LDLRAD4: variants seen among roughly 807,000 people sequenced by gnomAD.
The protein encoded by LDLRAD4 is low density lipoprotein receptor class A domain containing 4.
LDLRAD4 carries 5 observed loss-of-function variants against 17.0 expected under a neutral mutation model. The observed-to-expected ratio is 0.29, with a 90% CI of 0.15 to 0.62. LDLRAD4 has a LOEUF of 0.62. Among genes scored for constraint, LDLRAD4 ranks in the 20% least tolerant of loss-of-function variants. The pLI, the probability that LDLRAD4 is intolerant of heterozygous loss-of-function variation, is 0.84. For missense variants in LDLRAD4, 340 were observed against 424.7 expected (o/e 0.80, Z 1.75); for synonymous variants, 168 against 171.8 (o/e 0.98, Z 0.17).
At chr18:13,328,052 G>A (rs923572849) in intron 1 of LDLRAD4, among the ~76,000 whole-genome samples, 9 of 152,082 alleles carry the variant, frequency 5.9e-5, no homozygotes, top group African/African-American at 1.4e-4. Flanking sequence ...TCCTCCCTGC[G>A]GGCTAGAAGC....
At chr18:13,649,098 G>T (rs1308571587) in exon 6 of LDLRAD4, 2 of 152,130 alleles carry the variant, frequency 1.3e-5, no homozygotes, top group East Asian at 3.9e-4. Context: ...ATTTTTAAAA[G>T]ATTTATCGTG....
At chr18:13,378,035 GTTTGA>G (rs1188608272) in intron 1 of LDLRAD4, among the ~76,000 whole-genome samples, 3 of 152,226 alleles carry the variant, frequency 2.0e-5, no homozygotes, top group African/African-American at 7.2e-5. Context: ...TTCCCTGTGT[GTTTGA>G]TTTAAGAGGC....
At chr18:13,370,002 C>T (rs567326814) in intron 1 of LDLRAD4, among the ~76,000 whole-genome samples, 1 of 152,226 alleles carries the variant, frequency 6.6e-6, no homozygotes, top group Non-Finnish European at 1.5e-5. Flanking sequence ...CACTAGAATG[C>T]GTCTCCATTA....
intron 3 of LDLRAD4, 142 bp downstream of exon 4, chr18:13,438,526 C>T (rs946734827): frequency 8.5e-6 from 6 of 707,310 alleles, no homozygotes; most frequent in African/African-American, 7.1e-5. Context: ...ATGTTTTCTT[C>T]TTTTAGGATA....
At chr18:13,590,114 CATGTGCGTGG>C (rs1287929002) in intron 3 of LDLRAD4, among the ~76,000 whole-genome samples, 3 of 150,012 alleles carry the variant, frequency 2.0e-5, no homozygotes, top group African/African-American at 7.4e-5. Flanking sequence ...TGTGTGACTG[CATGTGCGTGG>C]GTGTGCATGT....
At chr18:13,503,646 G>C (rs1374770398) in intron 3 of LDLRAD4, among the ~76,000 whole-genome samples, 2 of 152,150 alleles carry the variant, frequency 1.3e-5, no homozygotes, top group Non-Finnish European at 2.9e-5. Context: ...ATGTGCCAGA[G>C]GGGAAGCAGG....
chr18:13,313,285 C>T (rs183430750), intron 1 of LDLRAD4, among the ~76,000 whole-genome samples: 9 of 152,304 alleles, frequency 5.9e-5, no homozygotes, highest in East Asian at 1.9e-4. Context: ...TGGATTAGGA[C>T]GCCAGCCTAG....
At chr18:13,523,188 T>G (rs2093979378) in intron 3 of LDLRAD4, among the ~76,000 whole-genome samples, 1 of 152,180 alleles carries the variant, frequency 6.6e-6, no homozygotes. Context: ...GTCAGATGGG[T>G]ATCCTCACAT....
chr18:13,350,743 C>A (rs2082990311), intron 1 of LDLRAD4, among the ~76,000 whole-genome samples: 1 of 152,088 alleles, frequency 6.6e-6, no homozygotes, highest in Non-Finnish European at 1.5e-5. Flanking sequence ...AGGTTTTCTT[C>A]TAGGGTTTTA....
chr18:13,247,121 G>T (rs1330265124), intron 1 of LDLRAD4, among the ~76,000 whole-genome samples: 2 of 152,142 alleles, frequency 1.3e-5, no homozygotes, highest in Admixed American at 6.5e-5. Flanking sequence ...TGCTTTAGGT[G>T]CCAGGAGGTA....
At chr18:13,525,169 G>C (rs2094010729) in intron 3 of LDLRAD4, among the ~76,000 whole-genome samples, 1 of 152,202 alleles carries the variant, frequency 6.6e-6, no homozygotes, top group African/African-American at 2.4e-5. Context: ...TGGCAGACCT[G>C]TGTGTTGAGC....
intron 3 of LDLRAD4, among the ~76,000 whole-genome samples, chr18:13,493,766 G>A (rs369844198): frequency 9.5e-4 from 144 of 152,192 alleles, no homozygotes; most frequent in Non-Finnish European, 1.6e-3. Context: ...TACTTCATCC[G>A]TGGCTGGGAA....
Position 13,624,107 on chromosome 18 carries a change from A to C in LDLRAD4, c.336+2836A>C, listed in dbSNP as rs556307901. On this transcript the variant is annotated intron_variant, in intron 4 of 5. Coordinates refer to ENST00000359446, the Ensembl canonical transcript of LDLRAD4. Reference sequence around the variant, plus strand: ...ACAGTGCACAGGCAGTCCCGCAACAAAGACTCATCTGAGTGGATGTGAGCG... The same window carrying C: ...ACAGTGCACAGGCAGTCCCGCAACACAGACTCATCTGAGTGGATGTGAGCG... Among the ~76,000 whole-genome samples the C allele has an allele frequency of 8.5e-5, 13 of 152,258 alleles. No individual in the cohort carries two copies. In the East Asian group the frequency reaches 2.5e-3, roughly 29 times the overall value.
rs112771584 is a variant in LDLRAD4 at position 13,415,969 on chromosome 18, G to A, written c.41-22275G>A. 9.2e-3 allele frequency among the ~76,000 whole-genome samples: 1,403 copies of A among 152,342 alleles called. 25 individuals are homozygous for A. Among genetic ancestry groups the A allele is most frequent in the African/African-American group, 0.032 (1,327 of 41,562 alleles). The stretch of plus-strand genomic sequence containing the variant: ...TGCATGGCTCTGTCTTCATCTCTGC[G>A]GTGACTTGCGTCGTAGGAGAGCTTT... On this transcript the variant is annotated intron_variant, in intron 2 of 5. Transcript: ENST00000359446.
At chr18:13,623,641 C>A (rs1173335553) in intron 4 of LDLRAD4, among the ~76,000 whole-genome samples, 1 of 152,256 alleles carries the variant, frequency 6.6e-6, no homozygotes, top group Admixed American at 6.5e-5. Flanking sequence ...ACTTCCCGAT[C>A]TGGTGTATTA....
chr18:13,497,562 C>T (rs1357807384), intron 3 of LDLRAD4, among the ~76,000 whole-genome samples: 2 of 151,580 alleles, frequency 1.3e-5, no homozygotes, highest in African/African-American at 2.4e-5. Flanking sequence ...TTTTAAAAGG[C>T]TGACTACTGT....
At chr18:13,327,250 T>G (rs149797488) in intron 1 of LDLRAD4, among the ~76,000 whole-genome samples, 1 of 152,240 alleles carries the variant, frequency 6.6e-6, no homozygotes, top group African/African-American at 2.4e-5. Flanking sequence ...AAGTATGAAC[T>G]TGTGAATCCT....
chr18:13,429,594 C>A (rs1279240104), intron 2 of LDLRAD4, among the ~76,000 whole-genome samples: 2 of 152,166 alleles, frequency 1.3e-5, no homozygotes, highest in African/African-American at 4.8e-5. Context: ...TTTCAAAATC[C>A]CTGTCTTAAA....
chr18:13,254,121 G>A (rs2043373440), intron 1 of LDLRAD4, among the ~76,000 whole-genome samples: 1 of 152,252 alleles, frequency 6.6e-6, no homozygotes, highest in Admixed American at 6.5e-5. Flanking sequence ...GGGAAGCCCA[G>A]GGATTTCTGG....
Sources: gnomAD v4.1 joint callset for allele counts (sites outside exome capture counted in the v4.1 genomes callset) on GRCh38, gnomAD v4.1.1 for gene constraint, MANE v1.5 for transcripts, NCBI Gene and HGNC (gene_info 2026-07-23, HGNC 2026-07-21) for gene names.